AIFM3: variants seen among roughly 807,000 people sequenced by gnomAD.
AIFM3 encodes AIF family member 3, also known as apoptosis-inducing factor 3.
In AIFM3, 71 loss-of-function variants were observed where a neutral mutation model predicts 82.7. That is an observed-to-expected ratio of 0.86 (90% CI 0.71 to 1.05). The LOEUF (loss-of-function observed/expected upper bound fraction) is 1.05. AIFM3 is among the 50% of genes least tolerant of loss of function. The pLI, the probability that AIFM3 is intolerant of heterozygous loss-of-function variation, is 0.00. For synonymous variants in AIFM3, 337 were observed against 329.1 expected, an observed-to-expected ratio of 1.02 and a Z score of -0.26; for missense variants, 748 against 816.7, an observed-to-expected ratio of 0.92 and a Z score of 1.03.
chr22:20,978,176 G>A (rs1025373546), intron 16 of AIFM3, among the ~76,000 whole-genome samples, 171 bp downstream of exon 16: 2 of 152,132 alleles, frequency 1.3e-5, no homozygotes, highest in Non-Finnish European at 2.9e-5. Context: ...AACACAGAGA[G>A]CGACACCCCA....
chr22:20,976,382 C>A, intron 10 of AIFM3, 26 bp from the exon 11 acceptor site: 1 of 1,613,718 alleles, frequency 6.2e-7, no homozygotes, highest in South Asian at 1.1e-5. Flanking sequence ...TGCCAGGAGG[C>A]CCTCACTGAC....
In AIFM3 at chr22:20,979,284, C is replaced by T; in HGVS notation, c.1491C>T (p.Ala497=). ...QMAHAQGRVA[A]QNMLAQEAEM... ...TGGGTCCCGCAGGGCGCGTGGCAGC[C>T]CAGAACATGTTGGCGCAGGAGGCGG... is the stretch of plus-strand genomic sequence containing the variant. The change falls in exon 17 of 21, where the codon GCC becomes GCT. Residue 497 remains alanine, a synonymous_variant. Transcript: ENST00000440238. 4 of 1,557,342 alleles carry T rather than the reference C, an allele frequency of 2.6e-6. No homozygotes were observed. The highest frequency in any genetic ancestry group is 3.5e-6 in the Non-Finnish European group (4 of 1,150,132).
rs1923598451 is a variant in AIFM3 at position 20,975,707 on chromosome 22, C to T, written c.736C>T (p.Pro246Ser). The T allele has an allele frequency of 6.2e-7, 1 of 1,613,652 alleles. No individual in the cohort carries two copies. Among genetic ancestry groups the T allele is most frequent in the Non-Finnish European group, 8.5e-7 (1 of 1,180,012 alleles). ...PKLSKSLDTQ[P>S]EQLALRPKEF... ...TCCCCTGCAGTCCCTGGACACACAGCCTGAGCAGCTGGCCCTGAGGCCCAA... is the reference window on the plus strand; with the variant it reads ...TCCCCTGCAGTCCCTGGACACACAGTCTGAGCAGCTGGCCCTGAGGCCCAA... The change falls in exon 9 of 21, where the codon CCT becomes TCT. Residue 246 changes from proline to serine, a missense_variant. Coordinates refer to ENST00000440238, the MANE Select transcript of AIFM3 (RefSeq NM_001386814.1).
chr22:20,977,255 GA>G, intron 14 of AIFM3, 160 bp downstream of exon 14: 1 of 1,055,296 alleles, frequency 9.5e-7, no homozygotes, highest in Non-Finnish European at 1.4e-6. Flanking sequence ...AGCTGTTGGG[GA>G]AGGTATGTAC....
At chr22:20,976,601 TG>T (rs1445592243) in intron 11 of AIFM3, 49 bp from the exon 12 acceptor site, 1 of 1,613,010 alleles carries the variant, frequency 6.2e-7, no homozygotes, top group Non-Finnish European at 8.5e-7. Context: ...AGGGAAGTTC[TG>T]GTCGAGGAAG....
chr22:20,971,782 C>A (rs1923281183), intron 2 of AIFM3, among the ~76,000 whole-genome samples: 1 of 152,200 alleles, frequency 6.6e-6, no homozygotes, highest in African/African-American at 2.4e-5. Flanking sequence ...GCCTGGGAGG[C>A]CAGATTATTG....
Position 20,977,960 on chromosome 22 carries a change from A to G in AIFM3, c.1432A>G (p.Asn478Asp), listed in dbSNP as rs780151063. 6.8e-6 allele frequency: 11 copies of G among 1,614,028 alleles called. No homozygotes were observed. Among genetic ancestry groups the G allele is most frequent in the Non-Finnish European group, 9.3e-6 (11 of 1,180,020 alleles). The change falls in exon 16 of 21, where the codon AAC (asparagine) becomes GAC (aspartate). Residue 478 changes from asparagine (N) to aspartate (D), a missense_variant. Coordinates refer to ENST00000440238, the MANE Select transcript of AIFM3 (RefSeq NM_001386814.1). The part of the protein sequence containing the change: ...AVTFPLAWRN[N>D]RKVNIPHWQM... Reference sequence around the variant, plus strand: ...CACCTTCCCCCTTGCCTGGAGGAACAACCGCAAAGTGAACATTCCACATTG... The same window carrying G: ...CACCTTCCCCCTTGCCTGGAGGAACGACCGCAAAGTGAACATTCCACATTG...
intron 2 of AIFM3, 53 bp downstream of exon 2, chr22:20,968,028 T>TC: frequency 7.7e-7 from 1 of 1,306,878 alleles, no homozygotes; most frequent in Non-Finnish European, 1.0e-6. Flanking sequence ...CGCCTCCTCC[T>TC]CCCCCGTCTC....
rs5997107 is a variant in AIFM3, at chr22:20,975,368, C to T, written c.721-324C>T. The stretch of plus-strand genomic sequence containing the variant: ...TCGACCTCCACCTCCCGGGCTCAAA[C>T]GATCCTCCCACCTCTGCCTCCCGGG... On this transcript the variant is annotated intron_variant, in intron 8 of 20. Coordinates refer to ENST00000440238, the MANE Select transcript of AIFM3 (RefSeq NM_001386814.1). 7.5e-3 allele frequency among the ~76,000 whole-genome samples: 1,142 copies of T among 151,718 alleles called. 16 individuals carry two copies. The highest frequency in any genetic ancestry group is 0.027 in the African/African-American group (1,098 of 41,296).
intron 8 of AIFM3, 39 bp downstream of exon 8, chr22:20,974,855 G>T: frequency 6.2e-7 from 1 of 1,601,460 alleles, no homozygotes. Flanking sequence ...TATCCCTCTG[G>T]GTCCCAGTTA....
intron 19 of AIFM3, 43 bp downstream of exon 19, chr22:20,980,167 T>C (rs1924000433): frequency 6.4e-7 from 1 of 1,573,878 alleles, no homozygotes; most frequent in African/African-American, 1.3e-5. Context: ...AGTAGTTCCC[T>C]GGAGTACTGG....
At chr22:20,978,868 G>C (rs1031955953) in intron 16 of AIFM3, among the ~76,000 whole-genome samples, 1 of 152,108 alleles carries the variant, frequency 6.6e-6, no homozygotes, top group Admixed American at 6.6e-5. Context: ...ATCCACACTG[G>C]TCTCTTTGGG....
intron 13 of AIFM3, 28 bp from the exon 14 acceptor site, chr22:20,977,004 C>A (rs975977010): frequency 6.2e-7 from 1 of 1,614,190 alleles, no homozygotes; most frequent in Non-Finnish European, 8.5e-7. Context: ...GAGCTGGGTC[C>A]ACCTGTTTAT....
chr22:20,979,270 G>C lies in AIFM3; in HGVS notation c.1478-1G>C. ...GGTTCTCACGGCCCTGGGTCCCGCAGGGCGCGTGGCAGCCCAGAACATGTT... is the reference window on the plus strand; with the variant it reads ...GGTTCTCACGGCCCTGGGTCCCGCACGGCGCGTGGCAGCCCAGAACATGTT... On this transcript the variant is annotated splice_acceptor_variant, in intron 16 of 20. Coordinates refer to ENST00000440238, the MANE Select transcript of AIFM3 (RefSeq NM_001386814.1). LOFTEE classifies it high-confidence loss of function. The C allele has an allele frequency of 6.4e-7, 1 of 1,554,436 alleles. No homozygotes were observed. Among genetic ancestry groups the C allele is most frequent in the Non-Finnish European group, 8.7e-7 (1 of 1,148,542 alleles).
rs1263065820 is a variant in AIFM3, at chr22:20,970,446, A to G, written c.31+2471A>G. 3.3e-5 allele frequency among the ~76,000 whole-genome samples: 5 copies of G among 151,766 alleles called. 1 individual carries two copies. Among genetic ancestry groups the G allele is most frequent in the African/African-American group, 1.2e-4 (5 of 41,282 alleles). On this transcript the variant is annotated intron_variant, in intron 2 of 20. Coordinates refer to ENST00000440238, the MANE Select transcript of AIFM3 (RefSeq NM_001386814.1). ...CAGGCCTGCACCACCACGACTGGCA[A>G]TTTTATTTATTTTTTTAACTTTTTT... is the stretch of plus-strand genomic sequence containing the variant.
At chr22:20,977,179 C>A in intron 14 of AIFM3, 84 bp downstream of exon 14, 1 of 1,555,196 alleles carries the variant, frequency 6.4e-7, no homozygotes, top group Non-Finnish European at 8.8e-7. Context: ...AGTCCCTTCC[C>A]CTCCCAGAGC....
Position 20,974,162 on chromosome 22 carries a change from A to G in AIFM3, c.455A>G (p.His152Arg), listed in dbSNP as rs1417880133. The part of the protein sequence containing the change: ...LEDFPGLDSL[H>R]KFQVKIEKEK... ...GACTTCCCTGGCCTGGACAGTCTAC[A>G]CAAGTTCCAGGTGGGGCCAGGAGTG... The change falls in exon 5 of 21, where the codon CAC (histidine) becomes CGC (arginine). Residue 152 changes from histidine to arginine, a missense_variant. Coordinates refer to ENST00000440238, the MANE Select transcript of AIFM3 (RefSeq NM_001386814.1). 6.2e-7 allele frequency: 1 copy of G among 1,613,228 alleles called. No homozygotes were observed. Among genetic ancestry groups the G allele is most frequent in the East Asian group, 2.2e-5 (1 of 44,818 alleles).
intron 10 of AIFM3, 38 bp from the exon 11 acceptor site, chr22:20,976,370 G>A: frequency 6.2e-7 from 1 of 1,613,588 alleles, no homozygotes; most frequent in East Asian, 2.2e-5. Context: ...CGGGGCTGGG[G>A]CTGCCAGGAG....
Position 20,974,821 on chromosome 22 carries a change from A to G in AIFM3, c.720+5A>G. 1 of 1,611,974 alleles carries G rather than the reference A, an allele frequency of 6.2e-7. No homozygotes were observed. The highest frequency in any genetic ancestry group is 8.5e-7 in the Non-Finnish European group (1 of 1,179,692). On this transcript the variant is annotated splice_donor_5th_base_variant and intron_variant, in intron 8 of 20. Coordinates refer to ENST00000440238, the MANE Select transcript of AIFM3 (RefSeq NM_001386814.1). ...GACCGTCCCAAGCTCAGCAAGGTAC[A>G]GGGGGTGGGGCAAGTAGGGACCCTA...
Sources: gnomAD v4.1 joint callset for allele counts (sites outside exome capture counted in the v4.1 genomes callset) on GRCh38, gnomAD v4.1.1 for gene constraint, MANE v1.5 for transcripts, NCBI Gene and HGNC (gene_info 2026-07-23, HGNC 2026-07-21) for gene names.